The following CSMD1 variants were observed in gnomAD, a reference collection of about 807,000 sequenced individuals.
CSMD1 encodes CUB and Sushi multiple domains 1.
In CSMD1, 213 loss-of-function variants were observed where a neutral mutation model predicts 417.5. The ratio of observed to expected loss-of-function variants is 0.51; its 90% CI spans 0.46 to 0.57. The LOEUF is 0.57. Among genes scored for constraint, CSMD1 ranks in the 20% least tolerant of loss-of-function variants. The probability of loss-of-function intolerance (pLI) is 0.00; values close to 1 mark genes in which losing one functional copy is unlikely to be tolerated. For missense variants in CSMD1, 6,923 were observed against 4,529.7 expected (o/e 1.53, Z -15.17); for synonymous variants, 2,862 against 1,736.8 (o/e 1.65, Z -16.11).
At position 3,392,721 on chromosome 8, in the gene CSMD1, T is replaced by C. The variant is rs144064079; in HGVS notation, c.2593+3473A>G. 4.4e-3 allele frequency among the ~76,000 whole-genome samples: 673 copies of C among 152,240 alleles called. 2 individuals carry two copies. The highest frequency in any genetic ancestry group is 0.034 in the Middle Eastern group (10 of 294). On this transcript the variant is annotated intron_variant, in intron 17 of 69. Transcript: ENST00000635120. Reference sequence around the variant, plus strand: ...TATTTGGAATCTGGGCTTGGGGCTGTACAATTTACTAAGCTCCCAGGGATG... The same window carrying C: ...TATTTGGAATCTGGGCTTGGGGCTGCACAATTTACTAAGCTCCCAGGGATG...
At chr8:3,093,419 C>A (rs140022216) in intron 47 of CSMD1, among the ~76,000 whole-genome samples, 3 of 152,120 alleles carry the variant, frequency 2.0e-5, no homozygotes, top group African/African-American at 4.8e-5. Context: ...GTAATCCCAG[C>A]GCTTTGGGAG....
At chr8:3,736,917 G>A (rs1464019287) in intron 6 of CSMD1, among the ~76,000 whole-genome samples, 1 of 152,162 alleles carries the variant, frequency 6.6e-6, no homozygotes, top group Non-Finnish European at 1.5e-5. Flanking sequence ...AGAACATTCC[G>A]TGTGAAGCAT....
intron 5 of CSMD1, among the ~76,000 whole-genome samples, chr8:3,911,965 T>C (rs1346719901): frequency 2.0e-5 from 3 of 152,210 alleles, no homozygotes. Flanking sequence ...TCTTACATCT[T>C]CCCACAAGTT....
At chr8:3,530,824 T>A (rs1275025099) in intron 10 of CSMD1, among the ~76,000 whole-genome samples, 1 of 151,498 alleles carries the variant, frequency 6.6e-6, no homozygotes, top group East Asian at 2.0e-4. Flanking sequence ...CCACCATGCC[T>A]GCCCTGCTGC....
chr8:4,050,569 C>A (rs1798373422), intron 3 of CSMD1, among the ~76,000 whole-genome samples: 1 of 152,018 alleles, frequency 6.6e-6, no homozygotes, highest in Non-Finnish European at 1.5e-5. Context: ...ACAATCTAAT[C>A]ATACTACTTT....
In CSMD1 at chr8:3,091,613, A is replaced by G. The variant is rs767312598; in HGVS notation, c.7188T>C (p.Thr2396=). Residue 2396 remains threonine, a synonymous_variant, in exon 48 of 70, where the codon ACT becomes ACC. Transcript: ENST00000635120. ...TCCTGCTTGTAAAATTTGATTGTTC[A>G]GTATGATTCCCACTTAAGACTACTA... ...PLLVVLSGNH[T]EQSNFTSRSN... 16 of 1,611,908 alleles carry G rather than the reference A, an allele frequency of 9.9e-6. No homozygotes were observed. Among genetic ancestry groups the G allele is most frequent in the Admixed American group, 1.7e-5 (1 of 59,282 alleles).
At chr8:4,981,403 C>G (rs542592796) in intron 1 of CSMD1, among the ~76,000 whole-genome samples, 1 of 152,296 alleles carries the variant, frequency 6.6e-6, no homozygotes, top group Non-Finnish European at 1.5e-5. Flanking sequence ...CCCCTCCCCT[C>G]ATTTTTCTAG....
chr8:4,215,899 A>C (rs925555789), intron 3 of CSMD1, among the ~76,000 whole-genome samples: 2 of 152,260 alleles, frequency 1.3e-5, no homozygotes, highest in Admixed American at 6.5e-5. Flanking sequence ...CAAAAAAATT[A>C]AACAAGAACA....
At chr8:4,743,404 T>C (rs1810747470) in intron 1 of CSMD1, among the ~76,000 whole-genome samples, 1 of 150,574 alleles carries the variant, frequency 6.6e-6, no homozygotes, top group Non-Finnish European at 1.5e-5. Context: ...ACACAGGGAG[T>C]GGTATCTTCA....
At chr8:3,878,342 C>T (rs981775654) in intron 5 of CSMD1, among the ~76,000 whole-genome samples, 1 of 152,142 alleles carries the variant, frequency 6.6e-6, no homozygotes, top group Non-Finnish European at 1.5e-5. Flanking sequence ...AATATTCTTA[C>T]ACGTGTATCT....
intron 1 of CSMD1, among the ~76,000 whole-genome samples, chr8:4,701,350 C>G (rs1009259316): frequency 1.3e-5 from 2 of 150,276 alleles, no homozygotes; most frequent in African/African-American, 2.5e-5. Flanking sequence ...TAAGAACTTA[C>G]TACTCCTTTG....
intron 1 of CSMD1, among the ~76,000 whole-genome samples, chr8:4,839,533 T>C (rs1297729387): frequency 6.6e-6 from 1 of 152,140 alleles, no homozygotes; most frequent in East Asian, 1.9e-4. Flanking sequence ...GAGCAATTTC[T>C]TTTTCCACAA....
At chr8:3,229,664 G>C (rs540180015) in intron 27 of CSMD1, among the ~76,000 whole-genome samples, 2 of 152,146 alleles carry the variant, frequency 1.3e-5, no homozygotes, top group African/African-American at 4.8e-5. Flanking sequence ...AGTACTTTTA[G>C]TGAGTAGGTT....
At chr8:4,241,316 A>G (rs1285472919) in intron 3 of CSMD1, among the ~76,000 whole-genome samples, 4 of 152,208 alleles carry the variant, frequency 2.6e-5, no homozygotes, top group African/African-American at 4.8e-5. Flanking sequence ...CCCCTGGAAC[A>G]TATTTCACGC....
chr8:4,897,660 C>T (rs781668286), intron 1 of CSMD1, among the ~76,000 whole-genome samples: 5 of 152,100 alleles, frequency 3.3e-5, no homozygotes, highest in Admixed American at 2.6e-4. Flanking sequence ...ATTATTTATA[C>T]AGTATCTTAA....
At chr8:3,241,144 G>C (rs1189647637) in intron 26 of CSMD1, among the ~76,000 whole-genome samples, 4 of 151,750 alleles carry the variant, frequency 2.6e-5, no homozygotes, top group Non-Finnish European at 5.9e-5. Flanking sequence ...CTGTAGTCCA[G>C]GAATAGTTAG....
intron 1 of CSMD1, among the ~76,000 whole-genome samples, chr8:4,666,679 T>G (rs1178933119): frequency 6.6e-6 from 1 of 152,184 alleles, no homozygotes; most frequent in Non-Finnish European, 1.5e-5. Flanking sequence ...TTAAACAAAG[T>G]GTCCAAATAT....
intron 2 of CSMD1, among the ~76,000 whole-genome samples, chr8:4,547,086 C>G (rs534067097): frequency 6.6e-6 from 1 of 152,162 alleles, no homozygotes. Context: ...TTGTATATTT[C>G]ATAGTCACCT....
intron 2 of CSMD1, among the ~76,000 whole-genome samples, chr8:4,544,229 T>C (rs1797537728): frequency 6.6e-6 from 1 of 152,174 alleles, no homozygotes; most frequent in South Asian, 2.1e-4. Context: ...GTCATCCTTG[T>C]GTGGTTATAT....
Sources: allele counts gnomAD v4.1 joint callset (sites outside exome capture counted in the v4.1 genomes callset), GRCh38; gene constraint gnomAD v4.1.1; transcripts MANE v1.5; gene names NCBI Gene and HGNC (gene_info 2026-07-23, HGNC 2026-07-21).